LRRC8B: variants seen among roughly 807,000 people sequenced by gnomAD.
LRRC8B encodes the protein volume-regulated anion channel subunit LRRC8B.
Under a neutral mutation model 58.8 loss-of-function variants are expected in LRRC8B, and 23 were observed. That is an observed-to-expected ratio of 0.39 (90% CI 0.28 to 0.55). LRRC8B has a LOEUF of 0.55. Among genes scored for constraint, LRRC8B ranks in the 20% least tolerant of loss-of-function variants. LRRC8B has a pLI of 0.62. For missense variants in LRRC8B, 694 were observed against 936.0 expected (o/e 0.74, Z 3.37); for synonymous variants, 359 against 374.1 (o/e 0.96, Z 0.47).
chr1:89,557,173 G>T (rs1652256417), intron 1 of LRRC8B, among the ~76,000 whole-genome samples: 1 of 151,948 alleles, frequency 6.6e-6, no homozygotes, highest in Non-Finnish European at 1.5e-5. Context: ...TCTATGTTTG[G>T]GCCACATAGT....
rs765105634 is a variant in LRRC8B, at chr1:89,583,139, A to G, written c.489A>G (p.Pro163=). The G allele has an allele frequency of 3.7e-6, 6 of 1,614,000 alleles. No individual in the cohort carries two copies. Among genetic ancestry groups the G allele is most frequent in the African/African-American group, 1.3e-5 (1 of 74,910 alleles). The change falls in exon 5 of 6, where the codon CCA becomes CCG. Residue 163 remains proline (P), a synonymous_variant. Coordinates refer to ENST00000330947, the MANE Select transcript of LRRC8B (RefSeq NM_001369817.2). This position sits in a 1 kb window ranked among gnomAD's most constrained non-coding sequence, Gnocchi z 5.2. ...VAILHKCFDS[P]WTTRALSETV... ...TCCTTCACAAGTGCTTCGATTCTCCATGGACCACCCGCGCCCTTTCAGAAA... is the reference window on the plus strand; with the variant it reads ...TCCTTCACAAGTGCTTCGATTCTCCGTGGACCACCCGCGCCCTTTCAGAAA...
At chr1:89,534,406 G>A (rs1158357432) in intron 1 of LRRC8B, among the ~76,000 whole-genome samples, 3 of 151,980 alleles carry the variant, frequency 2.0e-5, no homozygotes, top group Non-Finnish European at 4.4e-5. Flanking sequence ...GGAATTTTAC[G>A]TAGATCTTTT....
At chr1:89,587,582 A>G (rs905288137) in intron 5 of LRRC8B, among the ~76,000 whole-genome samples, 7 of 152,198 alleles carry the variant, frequency 4.6e-5, no homozygotes, top group African/African-American at 1.7e-4. Flanking sequence ...ATAGTTAGAC[A>G]TGCATATACA....
At chr1:89,552,137 G>A (rs1284302610) in intron 1 of LRRC8B, among the ~76,000 whole-genome samples, 2 of 152,076 alleles carry the variant, frequency 1.3e-5, no homozygotes, top group Non-Finnish European at 2.9e-5. Flanking sequence ...GAAGTCATAG[G>A]TAGTTCAGGA....
At chr1:89,527,097 G>C (rs941146550) in intron 1 of LRRC8B, 1 of 152,080 alleles carries the variant, frequency 6.6e-6, no homozygotes, top group African/African-American at 2.4e-5. Flanking sequence ...GTTATTTTTT[G>C]TTGTTTTCTG....
rs199715914 is a variant in LRRC8B, at chr1:89,581,346, T to C, written c.-26-1279T>C. ...TACTAGAGTGTCTAGAGAGTAACTCTGGCCCAGAATAAATGATAAGACTTC... is the reference window on the plus strand; with the variant it reads ...TACTAGAGTGTCTAGAGAGTAACTCCGGCCCAGAATAAATGATAAGACTTC... On this transcript the variant is annotated intron_variant, in intron 4 of 5. Coordinates refer to ENST00000330947, the MANE Select transcript of LRRC8B (RefSeq NM_001369817.2). Among the ~76,000 whole-genome samples the C allele has an allele frequency of 7.3e-5, 11 of 150,460 alleles. No individual in the cohort carries two copies. The East Asian group carries it at 2.1e-3, about 29-fold the overall frequency.
intron 5 of LRRC8B, among the ~76,000 whole-genome samples, chr1:89,586,218 A>G (rs1654612575): frequency 6.6e-6 from 1 of 152,194 alleles, no homozygotes; most frequent in South Asian, 2.1e-4. Context: ...CAGACGTAGG[A>G]CCCAAGAGTT....
intron 1 of LRRC8B, among the ~76,000 whole-genome samples, chr1:89,539,643 C>G (rs1266525767): frequency 6.6e-6 from 1 of 152,210 alleles, no homozygotes; most frequent in Non-Finnish European, 1.5e-5. Flanking sequence ...AGGACAGATA[C>G]TTCTGCTGAA....
intron 1 of LRRC8B, among the ~76,000 whole-genome samples, chr1:89,537,815 G>C (rs1160479640): frequency 6.6e-6 from 1 of 152,126 alleles, no homozygotes; most frequent in Non-Finnish European, 1.5e-5. Flanking sequence ...GAGCTTGTTT[G>C]CCTCTCCCAC....
At chr1:89,534,579 A>G (rs555632296) in intron 1 of LRRC8B, among the ~76,000 whole-genome samples, 133 of 152,220 alleles carry the variant, frequency 8.7e-4, no homozygotes, top group Admixed American at 1.9e-3. Flanking sequence ...TGTGACAATA[A>G]GGCTCTAAAT....
Position 89,583,466 on chromosome 1 carries a change from C to G in LRRC8B, c.816C>G (p.Ile272Met), listed in dbSNP as rs1414466368. 4 of 1,614,062 alleles carry G rather than the reference C, an allele frequency of 2.5e-6. No homozygotes were observed. Among genetic ancestry groups the G allele is most frequent in the African/African-American group, 1.3e-5 (1 of 75,050 alleles). The change falls in exon 5 of 6, where the codon ATC becomes ATG. Residue 272 changes from isoleucine to methionine, a missense_variant. Physicochemically the swap from Ile to Met is conservative, Grantham distance 10. This residue lies in a region of LRRC8B where 316 missense variants were observed against 403.8 expected (regional missense o/e 0.78). Coordinates refer to ENST00000330947, the MANE Select transcript of LRRC8B (RefSeq NM_001369817.2). This position sits in a 1 kb window ranked among gnomAD's most constrained non-coding sequence, Gnocchi z 5.2. The stretch of plus-strand genomic sequence containing the variant: ...TCAAAGTCATTTTGTTTGTGCTCAT[C>G]ATAACTTATGTTCCATATTTTTTAA... ...IIVKVILFVL[I>M]ITYVPYFLTH...
At chr1:89,542,374 G>A (rs1453593170) in intron 1 of LRRC8B, among the ~76,000 whole-genome samples, 1 of 152,148 alleles carries the variant, frequency 6.6e-6, no homozygotes, top group African/African-American at 2.4e-5. Flanking sequence ...TTTAATCTTT[G>A]TCTCTGTCAC....
chr1:89,588,533 G>A (rs1654782377), intron 5 of LRRC8B, among the ~76,000 whole-genome samples: 1 of 152,196 alleles, frequency 6.6e-6, no homozygotes, highest in South Asian at 2.1e-4. Context: ...AATAAGAGAT[G>A]AGACCATTTA....
At chr1:89,556,590 G>C (rs1169864029) in intron 1 of LRRC8B, among the ~76,000 whole-genome samples, 1 of 151,962 alleles carries the variant, frequency 6.6e-6, no homozygotes, top group Non-Finnish European at 1.5e-5. Flanking sequence ...TGTCAGAATA[G>C]GATTGAATTT....
At chr1:89,527,307 T>C (rs539598774) in intron 1 of LRRC8B, among the ~76,000 whole-genome samples, 25 of 152,254 alleles carry the variant, frequency 1.6e-4, no homozygotes, top group Non-Finnish European at 3.2e-4. Context: ...GTCTCTAAAG[T>C]TGAATTCTCT....
rs1399078403 is a variant in LRRC8B, at chr1:89,587,420, G to A, written c.2139+2631G>A. 2.0e-5 allele frequency among the ~76,000 whole-genome samples: 3 copies of A among 152,160 alleles called. No individual in the cohort carries two copies. In the East Asian group the frequency reaches 5.8e-4, roughly 29 times the overall value. ...ATGGTGGCACGCGCCTGTAGTCCCA[G>A]CTACTTAGGAAGCTGAGGCAGAAGA... On this transcript the variant is annotated intron_variant, in intron 5 of 5. Transcript: ENST00000330947.
intron 1 of LRRC8B, among the ~76,000 whole-genome samples, chr1:89,528,883 G>A (rs1293995774): frequency 6.6e-6 from 1 of 152,190 alleles, no homozygotes; most frequent in Non-Finnish European, 1.5e-5. Flanking sequence ...ATTCCTGGAT[G>A]CTGTCATATA....
chr1:89,590,979 T>C (rs1654937711), intron 5 of LRRC8B, among the ~76,000 whole-genome samples: 1 of 152,184 alleles, frequency 6.6e-6, no homozygotes, highest in African/African-American at 2.4e-5. Context: ...CTGAGGATGC[T>C]GCTAAACATC....
intron 3 of LRRC8B, among the ~76,000 whole-genome samples, chr1:89,574,955 G>A (rs1653734943): frequency 6.6e-6 from 1 of 152,222 alleles, no homozygotes; most frequent in Non-Finnish European, 1.5e-5. Flanking sequence ...CTCTCAGCTA[G>A]ACGGAAGGGC....
Sources: allele counts gnomAD v4.1 joint callset (sites outside exome capture counted in the v4.1 genomes callset), GRCh38; gene constraint gnomAD v4.1.1; regional missense constraint gnomAD v4.1.1; non-coding constraint Gnocchi (gnomAD v3.1); transcripts MANE v1.5; gene names NCBI Gene and HGNC (gene_info 2026-07-23, HGNC 2026-07-21).